The following DST variants were observed in gnomAD, a reference collection of about 807,000 sequenced individuals.
DST encodes bullous pemphigoid antigen.
A neutral mutation model predicts 875.2 loss-of-function variants in DST; 253 were observed. The ratio of observed to expected loss-of-function variants is 0.29; its 90% CI spans 0.26 to 0.32. DST has a LOEUF of 0.32. Ranked by LOEUF, DST falls within the 10% of genes least tolerant of loss-of-function variation. The pLI, the probability that DST is intolerant of heterozygous loss-of-function variation, is 1.00. For missense variants in DST, 8,287 were observed against 9,111.6 expected, an observed-to-expected ratio of 0.91 and a Z score of 3.68; for synonymous variants, 3,124 against 3,197.1, an observed-to-expected ratio of 0.98 and a Z score of 0.77.
At chr6:56,872,505 G>A (rs1197106492) in intron 3 of DST, among the ~76,000 whole-genome samples, 1 of 152,144 alleles carries the variant, frequency 6.6e-6, no homozygotes, top group Non-Finnish European at 1.5e-5. Context: ...CTGGGCAACA[G>A]AGTAAGACTC....
intron 63 of DST, among the ~76,000 whole-genome samples, chr6:56,532,886 ATCTG>A (rs559655007): frequency 2.7e-4 from 41 of 152,228 alleles, no homozygotes; most frequent in Non-Finnish European, 5.1e-4. Flanking sequence ...TTCAACAACT[ATCTG>A]TCCTGTCAAG....
intron 4 of DST, among the ~76,000 whole-genome samples, chr6:56,756,138 T>C (rs2152957138): frequency 6.6e-6 from 1 of 152,272 alleles, no homozygotes; most frequent in Non-Finnish European, 1.5e-5. Context: ...TAAGGAGTGA[T>C]GTGGAAGGCA....
At chr6:56,874,699 T>C (rs1357655845) in intron 3 of DST, among the ~76,000 whole-genome samples, 2 of 152,242 alleles carry the variant, frequency 1.3e-5, no homozygotes, top group African/African-American at 4.8e-5. Flanking sequence ...GAAAAATATC[T>C]ATCCGTTCTA....
intron 3 of DST, among the ~76,000 whole-genome samples, chr6:56,887,256 A>AGT (rs1785067075): frequency 6.6e-6 from 1 of 152,196 alleles, no homozygotes; most frequent in Non-Finnish European, 1.5e-5. Context: ...TGATTCACAA[A>AGT]GACTGAGAGT....
intron 49 of DST, among the ~76,000 whole-genome samples, chr6:56,586,083 G>A (rs925278311): frequency 3.3e-5 from 5 of 152,192 alleles, no homozygotes; most frequent in Non-Finnish European, 5.9e-5. Flanking sequence ...TTGATTTGGG[G>A]TGGAGAGTTC....
chr6:56,875,836 GCAA>G (rs111990627), intron 3 of DST, among the ~76,000 whole-genome samples: 3,165 of 152,218 alleles, frequency 0.021, 99 homozygotes, highest in African/African-American at 0.071. Context: ...AGCCCCATGG[GCAA>G]CTCTTTTCTC....
chr6:56,675,318 A>C (rs959396464), intron 9 of DST, among the ~76,000 whole-genome samples: 1 of 152,220 alleles, frequency 6.6e-6, no homozygotes, highest in Non-Finnish European at 1.5e-5. Context: ...AGAAAATGTA[A>C]GGAAAAGTTT....
intron 31 of DST, 32 bp downstream of exon 31, chr6:56,630,213 T>A: frequency 6.8e-7 from 1 of 1,462,316 alleles, no homozygotes; most frequent in Non-Finnish European, 9.6e-7. Flanking sequence ...TAGAATACGA[T>A]ATTTAAAAAT....
chr6:56,644,970 C>A (rs1414133279), intron 15 of DST, among the ~76,000 whole-genome samples: 1 of 152,198 alleles, frequency 6.6e-6, no homozygotes, highest in African/African-American at 2.4e-5. Context: ...AGAGATCTGA[C>A]GGTTTTGTAA....
intron 4 of DST, among the ~76,000 whole-genome samples, chr6:56,838,961 C>A (rs1232058076): frequency 6.6e-6 from 1 of 152,226 alleles, no homozygotes; most frequent in African/African-American, 2.4e-5. Flanking sequence ...TTTTAGCACA[C>A]TTTGCCCTCC....
Position 56,529,646 on chromosome 6 carries a change from T to G in DST, c.17397A>C (p.Gln5799His), listed in dbSNP as rs2152511624. ...TCTCTTGAATCTCAATGTACCATAC[T>G]TGAGAGAAGTCTAATTTACTCTGCA... is the stretch of plus-strand genomic sequence containing the variant. ...DMVQSKLDFS[Q>H]VWYIEIQEKS... Residue 5799 changes from glutamine to histidine, a missense_variant, in exon 66 of 104, where the codon CAA (glutamine) becomes CAC (histidine). By Grantham distance (24) the Gln-to-His change is conservative (BLOSUM62 0). Coordinates refer to ENST00000680361, the MANE Select transcript of DST (RefSeq NM_001374736.1). 2 of 1,613,814 alleles carry G rather than the reference T, an allele frequency of 1.2e-6. No individual in the cohort carries two copies. The highest frequency in any genetic ancestry group is 1.7e-6 in the Non-Finnish European group (2 of 1,179,774).
chr6:56,633,216 T>G (rs1422241738), intron 27 of DST, among the ~76,000 whole-genome samples, 179 bp from the exon 28 acceptor site: 1 of 150,432 alleles, frequency 6.6e-6, no homozygotes, highest in Non-Finnish European at 1.5e-5. Flanking sequence ...TTTTTTGTTT[T>G]GAGACGGAGT....
chr6:56,875,605 A>G (rs185546492), intron 3 of DST, among the ~76,000 whole-genome samples: 3 of 152,306 alleles, frequency 2.0e-5, no homozygotes, highest in Admixed American at 6.5e-5. Context: ...GTGATCTCAA[A>G]AAGCCTTTGA....
intron 34 of DST, 69 bp downstream of exon 34, chr6:56,627,135 G>T: frequency 3.5e-6 from 4 of 1,132,824 alleles, no homozygotes; most frequent in Admixed American, 3.4e-5. Context: ...GACTTGCATG[G>T]CTTTAACAGT....
chr6:56,665,195 T>C (rs1255555700), intron 10 of DST, among the ~76,000 whole-genome samples: 2 of 152,216 alleles, frequency 1.3e-5, no homozygotes, highest in Non-Finnish European at 2.9e-5. Context: ...TTGTTGCTGA[T>C]GCTATTTTCA....
At chr6:56,626,234 G>C (rs1209395558) in intron 34 of DST, among the ~76,000 whole-genome samples, 1 of 152,034 alleles carries the variant, frequency 6.6e-6, no homozygotes, top group Non-Finnish European at 1.5e-5. Context: ...ATTCTACAGA[G>C]GTGTACAGTA....
chr6:56,829,508 C>G (rs541456453), intron 4 of DST, among the ~76,000 whole-genome samples: 1 of 152,162 alleles, frequency 6.6e-6, no homozygotes, highest in East Asian at 1.9e-4. Flanking sequence ...CAAACTATAT[C>G]AAAAGGCTGG....
At chr6:56,773,419 C>T (rs1406206177) in intron 4 of DST, among the ~76,000 whole-genome samples, 3 of 151,736 alleles carry the variant, frequency 2.0e-5, no homozygotes, top group Non-Finnish European at 2.9e-5. Context: ...ATTTGGGTCC[C>T]CTGAATCTCA....
At chr6:56,580,453 T>G (rs1361055482) in intron 49 of DST, among the ~76,000 whole-genome samples, 1 of 151,832 alleles carries the variant, frequency 6.6e-6, no homozygotes, top group Non-Finnish European at 1.5e-5. Context: ...AGGAGCTGAG[T>G]CAGGAAGACC....
Sources: allele counts gnomAD v4.1 joint callset (sites outside exome capture counted in the v4.1 genomes callset), GRCh38; gene constraint gnomAD v4.1.1; transcripts MANE v1.5; gene names NCBI Gene and HGNC (gene_info 2026-07-23, HGNC 2026-07-21).